UNC13B: variants seen among roughly 807,000 people sequenced by gnomAD.
The protein encoded by UNC13B is unc-13 homolog B, also known as protein unc-13 homolog B.
UNC13B carries 144 observed loss-of-function variants against 211.0 expected under a neutral mutation model. The observed-to-expected ratio is 0.68, with a 90% CI of 0.60 to 0.78. The LOEUF is 0.78. UNC13B is among the 30% of genes least tolerant of loss of function. UNC13B has a pLI of 0.00. For synonymous variants in UNC13B, 709 were observed against 725.8 expected (o/e 0.98, Z 0.37); for missense variants, 1,777 against 2,002.0 (o/e 0.89, Z 2.14).
chr9:35,396,457 C>G lies in UNC13B; in HGVS notation c.11309-19C>G, dbSNP rs201897863. The G allele has an allele frequency of 1.2e-6, 2 of 1,613,896 alleles. No individual in the cohort carries two copies. The highest frequency in any genetic ancestry group is 1.1e-5 in the South Asian group (1 of 91,068). ...CCTCTACTGCTGGGACCTGACCCAA[C>G]CTTTCTCCCTACCACTAGAGCATGA... On this transcript the variant is annotated intron_variant, in intron 26 of 39. Coordinates refer to ENST00000635942, the MANE Select transcript of UNC13B (RefSeq NM_001371189.2).
At chr9:35,296,519 T>A (rs1829367148) in intron 8 of UNC13B, among the ~76,000 whole-genome samples, 2 of 152,248 alleles carry the variant, frequency 1.3e-5, no homozygotes, top group Admixed American at 1.3e-4. Context: ...TACTGTTGTT[T>A]CTTATGTATC....
chr9:35,220,414 C>T (rs1824507900), intron 1 of UNC13B, among the ~76,000 whole-genome samples: 1 of 150,956 alleles, frequency 6.6e-6, no homozygotes, highest in Non-Finnish European at 1.5e-5. Context: ...ACCCATTAAT[C>T]ATCCCCACTT....
At chr9:35,292,119 G>T (rs1829130752) in intron 7 of UNC13B, among the ~76,000 whole-genome samples, 1 of 152,144 alleles carries the variant, frequency 6.6e-6, no homozygotes, top group African/African-American at 2.4e-5. Flanking sequence ...AAATGTGAAT[G>T]AATTTTCTTT....
In UNC13B at chr9:35,378,429, T is replaced by A; in HGVS notation, c.10198T>A (p.Phe3400Ile). 6.2e-7 allele frequency: 1 copy of A among 1,614,142 alleles called. No homozygotes were observed. The highest frequency in any genetic ancestry group is 8.5e-7 in the Non-Finnish European group (1 of 1,180,014). Residue 3400 changes from phenylalanine to isoleucine, a missense_variant, in exon 17 of 40, where the codon TTC becomes ATC. Transcript: ENST00000635942. The stretch of plus-strand genomic sequence containing the variant: ...CTTGAATCCTGTTTGGGAGGAGAAG[T>A]TCCATTTGTAAGTCACAGAGAGCTT... ...GNLNPVWEEK[F>I]HFECHNSSDR... is the part of the protein sequence containing the mutation.
rs368410074 is a variant in UNC13B, at chr9:35,387,433, G to T, written c.11094+1140G>T. On this transcript the variant is annotated intron_variant, in intron 24 of 39. Transcript: ENST00000635942. ...TTTCTGTGCCAGCCATGTATTTAAG[G>T]CTTCTTCCTTTTAAGGTTTCTAAAG... Among the ~76,000 whole-genome samples, 19 of 152,194 alleles carry T rather than the reference G, an allele frequency of 1.2e-4. No homozygotes were observed. In the South Asian group the frequency reaches 3.7e-3, roughly 30 times the overall value.
At chr9:35,252,168 A>G (rs1307669618) in intron 6 of UNC13B, among the ~76,000 whole-genome samples, 2 of 152,106 alleles carry the variant, frequency 1.3e-5, no homozygotes, top group African/African-American at 4.8e-5. Flanking sequence ...GTTATAGTTC[A>G]TTTTTGTGAT....
In UNC13B at chr9:35,276,225, C is replaced by G. The variant is rs1041192683; in HGVS notation, c.526+17175C>G. Reference sequence around the variant, plus strand: ...GGAGGCTGAAGCGGGAGGATCACTTCAGCCCAGGAAGTTGAGACTGCAATG... The same window carrying G: ...GGAGGCTGAAGCGGGAGGATCACTTGAGCCCAGGAAGTTGAGACTGCAATG... On this transcript the variant is annotated intron_variant, in intron 7 of 39. Transcript: ENST00000635942. Among the ~76,000 whole-genome samples, 3 of 149,210 alleles carry G rather than the reference C, an allele frequency of 2.0e-5. No individual in the cohort carries two copies. The South Asian group carries it at 6.3e-4, about 32-fold the overall frequency.
At chr9:35,177,902 C>A (rs1292717015) in intron 1 of UNC13B, among the ~76,000 whole-genome samples, 2 of 152,108 alleles carry the variant, frequency 1.3e-5, no homozygotes, top group East Asian at 3.9e-4. Flanking sequence ...TAGAAAAAGT[C>A]AAGTTTTCCA....
intron 5 of UNC13B, among the ~76,000 whole-genome samples, chr9:35,240,313 A>G (rs942385765): frequency 2.0e-5 from 3 of 152,000 alleles, no homozygotes; most frequent in Admixed American, 6.6e-5. Context: ...CATATTATTG[A>G]TATTTGCATA....
At chr9:35,310,836 G>A (rs1830150813) in intron 10 of UNC13B, 55 bp downstream of exon 10, 2 of 1,512,844 alleles carry the variant, frequency 1.3e-6, no homozygotes, top group South Asian at 1.2e-5. Context: ...CCTGCCCTGT[G>A]GTATTGCTGA....
intron 1 of UNC13B, among the ~76,000 whole-genome samples, chr9:35,206,571 G>A (rs1472122381): frequency 6.6e-6 from 1 of 151,990 alleles, no homozygotes; most frequent in Non-Finnish European, 1.5e-5. Context: ...TTTAATGATT[G>A]AATAATACCA....
chr9:35,289,986 A>G (rs1357252628), intron 7 of UNC13B, among the ~76,000 whole-genome samples: 1 of 152,076 alleles, frequency 6.6e-6, no homozygotes, highest in Admixed American at 6.5e-5. Flanking sequence ...AAAAAATAAA[A>G]AACCCATATT....
Position 35,306,968 on chromosome 9 carries a change from T to C in UNC13B, c.7564T>C (p.Tyr2522His), listed in dbSNP as rs1829955847. Residue 2522 changes from tyrosine (Y) to histidine (H), a missense_variant, in exon 9 of 40, where the codon TAC (tyrosine) becomes CAC (histidine). Tyr to His is a moderately conservative substitution (Grantham distance 83). Transcript: ENST00000635942. ...GIFKSPKPEP[Y>H]KQESSLPATS... ...TTTCAAAAGTCCCAAGCCAGAGCCA[T>C]ACAAACAAGAATCATCTCTCCCAGC... The C allele has an allele frequency of 2.5e-6, 1 of 398,938 alleles. No homozygotes were observed. Among genetic ancestry groups the C allele is most frequent in the Non-Finnish European group, 4.4e-6 (1 of 226,040 alleles). 24.7% of individuals were successfully genotyped at this position (398,938 alleles called of 1,614,324 possible).
At position 35,295,799 on chromosome 9, in the gene UNC13B, C is replaced by A. The variant is rs775468232; in HGVS notation, c.630C>A (p.Asn210Lys). 2 of 1,614,176 alleles carry A rather than the reference C, an allele frequency of 1.2e-6. No homozygotes were observed. The highest frequency in any genetic ancestry group is 2.2e-5 in the East Asian group (1 of 44,892). Reference sequence around the variant, plus strand: ...CTTACCATACAGCTTCCCAGCCCAACGCTTCTGTGCACCAGTTCCCTGTGC... The same window carrying A: ...CTTACCATACAGCTTCCCAGCCCAAAGCTTCTGTGCACCAGTTCCCTGTGC... ...PPPYHTASQP[N>K]ASVHQFPVPV... The change falls in exon 8 of 40, where the codon AAC (asparagine) becomes AAA (lysine). Residue 210 changes from asparagine to lysine, a missense_variant. Transcript: ENST00000635942.
chr9:35,261,099 A>G (rs1031995042), intron 7 of UNC13B, among the ~76,000 whole-genome samples: 11 of 152,186 alleles, frequency 7.2e-5, no homozygotes, highest in East Asian at 5.8e-4. Flanking sequence ...TTAAACCTAT[A>G]GAAAAGTTGA....
At chr9:35,198,479 T>C (rs904456370) in intron 1 of UNC13B, among the ~76,000 whole-genome samples, 1 of 152,224 alleles carries the variant, frequency 6.6e-6, no homozygotes, top group Admixed American at 6.5e-5. Context: ...CTTTTCTTTA[T>C]ACAGTATGTA....
intron 7 of UNC13B, among the ~76,000 whole-genome samples, chr9:35,279,288 A>G (rs751823787): frequency 6.6e-6 from 1 of 152,214 alleles, no homozygotes; most frequent in African/African-American, 2.4e-5. Flanking sequence ...AAATGGAATC[A>G]TATAGTATTA....
chr9:35,250,047 G>T (rs1397121259), intron 6 of UNC13B, among the ~76,000 whole-genome samples: 1 of 151,690 alleles, frequency 6.6e-6, no homozygotes, highest in African/African-American at 2.4e-5. Flanking sequence ...GTGCCCTATG[G>T]ATATCACCAC....
At chr9:35,398,398 G>T in intron 31 of UNC13B, 110 bp downstream of exon 31, 1 of 1,418,562 alleles carries the variant, frequency 7.0e-7, no homozygotes. Context: ...TTAGCTTGGG[G>T]TCTGGGCTGG....
Sources: allele counts gnomAD v4.1 joint callset (sites outside exome capture counted in the v4.1 genomes callset), GRCh38; gene constraint gnomAD v4.1.1; transcripts MANE v1.5; gene names NCBI Gene and HGNC (gene_info 2026-07-23, HGNC 2026-07-21).